The following PCDH15 variants were observed in gnomAD, a reference collection of about 807,000 sequenced individuals.
The protein encoded by PCDH15 is protocadherin related 15, also known as protocadherin-15.
A neutral mutation model predicts 178.5 loss-of-function variants in PCDH15; 129 were observed. The observed-to-expected ratio is 0.72, with a 90% CI of 0.63 to 0.84. PCDH15 has a LOEUF of 0.84. Among genes scored for constraint, PCDH15 ranks in the 40% least tolerant of loss-of-function variants. PCDH15 has a pLI of 0.00. For synonymous variants in PCDH15, 800 were observed against 732.0 expected (o/e 1.09, Z -1.50); for missense variants, 2,230 against 2,099.9 (o/e 1.06, Z -1.21).
intron 2 of PCDH15, among the ~76,000 whole-genome samples, chr10:55,084,013 A>G (rs1370757512): frequency 6.6e-5 from 10 of 151,846 alleles, no homozygotes; most frequent in Admixed American, 6.6e-4. Context: ...AAAGCAATAT[A>G]AGATAATGTA....
At chr10:54,728,454 T>G (rs1357267839) in intron 1 of PCDH15, among the ~76,000 whole-genome samples, 2 of 151,252 alleles carry the variant, frequency 1.3e-5, no homozygotes, top group East Asian at 1.9e-4. Flanking sequence ...TATAATAGCC[T>G]TCTATTGACT....
intron 3 of PCDH15, among the ~76,000 whole-genome samples, chr10:54,810,752 A>G (rs1267248329): frequency 3.3e-5 from 5 of 152,156 alleles, no homozygotes; most frequent in Non-Finnish European, 7.4e-5. Context: ...TAGAAAAAAA[A>G]TAATTGCAAT....
At chr10:55,567,748 T>C (rs1186069577) in intron 2 of PCDH15, among the ~76,000 whole-genome samples, 1 of 151,804 alleles carries the variant, frequency 6.6e-6, no homozygotes, top group Non-Finnish European at 1.5e-5. Flanking sequence ...GATTATTTTG[T>C]AGTTCATAAG....
intron 2 of PCDH15, among the ~76,000 whole-genome samples, chr10:55,146,030 C>T (rs1220603521): frequency 2.8e-5 from 1 of 35,436 alleles, no homozygotes; most frequent in East Asian, 4.6e-4. Context: ...AAGAAATTTT[C>T]GAACTCAGCT....
At chr10:54,847,165 C>T (rs1347622560) in intron 3 of PCDH15, among the ~76,000 whole-genome samples, 1 of 152,218 alleles carries the variant, frequency 6.6e-6, no homozygotes, top group African/African-American at 2.4e-5. Flanking sequence ...CTTTGTCTGA[C>T]CTTCATGATT....
intron 8 of PCDH15, among the ~76,000 whole-genome samples, chr10:54,256,041 CGA>C (rs1455919175): frequency 2.0e-5 from 3 of 152,104 alleles, no homozygotes; most frequent in Non-Finnish European, 4.4e-5. Context: ...CCCCAAATTC[CGA>C]GAATAGTCTC....
intron 8 of PCDH15, among the ~76,000 whole-genome samples, chr10:54,285,111 T>A (rs983185736): frequency 1.3e-5 from 2 of 152,220 alleles, no homozygotes; most frequent in Non-Finnish European, 1.5e-5. Flanking sequence ...GAGAACCTAC[T>A]GTTTCCTGGC....
chr10:55,277,598 T>G (rs1222629251), intron 1 of PCDH15, among the ~76,000 whole-genome samples: 1 of 152,132 alleles, frequency 6.6e-6, no homozygotes, highest in African/African-American at 2.4e-5. Context: ...ACTAGTATAA[T>G]GACAGACTGC....
chr10:54,127,540 A>G (rs1229670842), intron 15 of PCDH15, among the ~76,000 whole-genome samples: 1 of 152,212 alleles, frequency 6.6e-6, no homozygotes, highest in Non-Finnish European at 1.5e-5. Flanking sequence ...CCTTTGCTCA[A>G]CATATAATGT....
intron 23 of PCDH15, among the ~76,000 whole-genome samples, chr10:53,944,423 A>G (rs1397499153): frequency 1.3e-5 from 2 of 152,182 alleles, no homozygotes. Context: ...TCAATTTCAG[A>G]AGCAATGAAT....
intron 2 of PCDH15, among the ~76,000 whole-genome samples, chr10:55,364,146 G>A (rs1033177148): frequency 3.3e-5 from 5 of 152,014 alleles, no homozygotes; most frequent in African/African-American, 1.2e-4. Context: ...GCCACCTTGC[G>A]AAGAAAGGGC....
At chr10:53,962,193 T>C (rs2134306868) in intron 21 of PCDH15, among the ~76,000 whole-genome samples, 1 of 152,214 alleles carries the variant, frequency 6.6e-6, no homozygotes, top group African/African-American at 2.4e-5. Context: ...TACATCTTCC[T>C]CCCAAAACAC....
chr10:55,033,154 C>T (rs187132767), intron 2 of PCDH15, among the ~76,000 whole-genome samples: 10 of 152,228 alleles, frequency 6.6e-5, no homozygotes, highest in South Asian at 2.1e-4. Context: ...AATTTTGTCA[C>T]GGGCGGGAGC....
chr10:55,493,316 G>A (rs56357025), intron 2 of PCDH15, among the ~76,000 whole-genome samples: 5,310 of 151,568 alleles, frequency 0.035, 150 homozygotes, highest in Non-Finnish European at 0.056. Context: ...AATGCTTTGG[G>A]AGGACAAGGT....
chr10:54,834,708 G>A (rs1953285851), intron 3 of PCDH15, among the ~76,000 whole-genome samples: 1 of 152,112 alleles, frequency 6.6e-6, no homozygotes, highest in Admixed American at 6.6e-5. Context: ...CATTTAAGAT[G>A]TCTTAGTTTA....
At chr10:55,427,281 G>C (rs1241430983) in intron 2 of PCDH15, among the ~76,000 whole-genome samples, 1 of 151,952 alleles carries the variant, frequency 6.6e-6, no homozygotes, top group Non-Finnish European at 1.5e-5. Context: ...GTAACCTAAG[G>C]TACCTGCAAC....
At chr10:55,554,706 G>A (rs1023517312) in intron 2 of PCDH15, among the ~76,000 whole-genome samples, 2 of 152,018 alleles carry the variant, frequency 1.3e-5, no homozygotes, top group Admixed American at 6.6e-5. Context: ...AGGTGGTCAT[G>A]CAACCAAACC....
rs551648148 is a variant in PCDH15, at chr10:55,402,081, C to T, written c.-156+225544G>A. On this transcript the variant is annotated intron_variant, in intron 2 of 5. Transcript: ENST00000613346. ...GGGTACATATTTCTGTTTATCACTT[C>T]ACACCTGAGTGACCCATGGTGTTTC... Among the ~76,000 whole-genome samples the T allele has an allele frequency of 4.8e-4, 72 of 151,086 alleles. 1 individual carries two copies. The highest frequency in any genetic ancestry group is 3.8e-4 in the Non-Finnish European group (26 of 67,580).
At chr10:55,251,053 A>G (rs1382112447) in intron 1 of PCDH15, among the ~76,000 whole-genome samples, 1 of 152,092 alleles carries the variant, frequency 6.6e-6, no homozygotes, top group Non-Finnish European at 1.5e-5. Context: ...GATCCTGTGT[A>G]CCCTTTACTC....
Sources: allele counts gnomAD v4.1 joint callset (sites outside exome capture counted in the v4.1 genomes callset), GRCh38; gene constraint gnomAD v4.1.1; transcripts MANE v1.5; gene names NCBI Gene and HGNC (gene_info 2026-07-23, HGNC 2026-07-21).